The following GPD2 variants were observed in gnomAD, a reference collection of about 807,000 sequenced individuals.
The protein encoded by GPD2 is glycerol-3-phosphate dehydrogenase 2, also known as glycerol-3-phosphate dehydrogenase, mitochondrial.
Under a neutral mutation model 82.4 loss-of-function variants are expected in GPD2, and 54 were observed. That is an observed-to-expected ratio of 0.66 (90% CI 0.53 to 0.82). The LOEUF (loss-of-function observed/expected upper bound fraction) is 0.82. GPD2 is among the 40% of genes least tolerant of loss of function. The pLI, the probability that GPD2 is intolerant of heterozygous loss-of-function variation, is 0.00. For missense variants in GPD2, 748 were observed against 896.2 expected, an observed-to-expected ratio of 0.83 and a Z score of 2.11; for synonymous variants, 288 against 306.1, an observed-to-expected ratio of 0.94 and a Z score of 0.62.
At chr2:156,422,335 A>T in the GPD2 span, among the ~76,000 whole-genome samples, 1 of 152,230 alleles carries the variant, frequency 6.6e-6, no homozygotes, top group African/African-American at 2.4e-5. Flanking sequence ...AAACAAAGAT[A>T]TTCAAAGTAA....
chr2:156,455,021 G>A (rs1289606642), intron 1 of GPD2, among the ~76,000 whole-genome samples: 1 of 152,052 alleles, frequency 6.6e-6, no homozygotes, highest in African/African-American at 2.4e-5. Flanking sequence ...GTGTAACCCT[G>A]GGGGAGAGGG....
intron 1 of GPD2, among the ~76,000 whole-genome samples, chr2:156,442,621 G>T (rs191221592): frequency 3.7e-4 from 56 of 152,152 alleles, no homozygotes; most frequent in Admixed American, 2.0e-3. Flanking sequence ...ACCAGCCTGG[G>T]CAACATGTGA....
At chr2:156,424,341 G>A in the GPD2 span, among the ~76,000 whole-genome samples, 1 of 152,160 alleles carries the variant, frequency 6.6e-6, no homozygotes, top group Non-Finnish European at 1.5e-5. Flanking sequence ...AAGTGAGGAG[G>A]TTTAATAACT....
At position 156,496,050 on chromosome 2, in the gene GPD2, C is replaced by A; in HGVS notation, c.109C>A (p.Leu37Met). The change falls in exon 3 of 17, where the codon CTG becomes ATG. Residue 37 changes from leucine to methionine, a missense_variant. Leu to Met is a conservative substitution (Grantham distance 15). Transcript: ENST00000438166. ...FAHYRRKQMN[L>M]AYVKAADCIS... ...TGATCTGCTTTTACATCAGATGAAC[C>A]TGGCCTATGTTAAAGCAGCAGACTG... 6.2e-7 allele frequency: 1 copy of A among 1,611,208 alleles called. No homozygotes were observed. Among genetic ancestry groups the A allele is most frequent in the Non-Finnish European group, 8.5e-7 (1 of 1,177,980 alleles).
the GPD2 span, among the ~76,000 whole-genome samples, chr2:156,416,555 G>T: frequency 6.8e-6 from 1 of 147,782 alleles, no homozygotes; most frequent in Admixed American, 6.8e-5. Context: ...TGGAGACAGG[G>T]TTTCACTATG....
intron 6 of GPD2, among the ~76,000 whole-genome samples, chr2:156,518,024 T>C (rs1193750719): frequency 1.3e-5 from 2 of 152,222 alleles, no homozygotes; most frequent in Non-Finnish European, 2.9e-5. Flanking sequence ...TATGCACATA[T>C]GAAAATAGCA....
At chr2:156,402,655 T>C in the GPD2 span, among the ~76,000 whole-genome samples, 1 of 152,010 alleles carries the variant, frequency 6.6e-6, no homozygotes, top group African/African-American at 2.4e-5. Flanking sequence ...TAATTTTATT[T>C]ATTTATTTAT....
chr2:156,551,476 C>T (rs902783883), intron 8 of GPD2, among the ~76,000 whole-genome samples: 7 of 152,052 alleles, frequency 4.6e-5, no homozygotes, highest in Non-Finnish European at 5.9e-5. Flanking sequence ...AGAAGAAATT[C>T]GTATGGCCAT....
intron 2 of GPD2, among the ~76,000 whole-genome samples, chr2:156,491,032 G>A (rs1234016063): frequency 6.6e-6 from 1 of 151,818 alleles, no homozygotes. Context: ...GTTATGTAAT[G>A]AGCACTGTGA....
intron 2 of GPD2, among the ~76,000 whole-genome samples, chr2:156,477,092 G>A (rs764773687): frequency 6.6e-6 from 1 of 152,148 alleles, no homozygotes; most frequent in East Asian, 1.9e-4. Flanking sequence ...GTGGAGCCAG[G>A]CGCATTGCTT....
chr2:156,548,300 G>A (rs1013241695), intron 6 of GPD2, among the ~76,000 whole-genome samples: 5 of 152,072 alleles, frequency 3.3e-5, no homozygotes, highest in South Asian at 2.1e-4. Flanking sequence ...CTATGGAACC[G>A]CTACCCTTCC....
At chr2:156,473,968 A>T (rs1040884196) in intron 1 of GPD2, among the ~76,000 whole-genome samples, 2 of 152,038 alleles carry the variant, frequency 1.3e-5, no homozygotes, top group African/African-American at 4.8e-5. Context: ...TAGCAAAGGG[A>T]CAGTAAAGAA....
chr2:156,490,867 AATT>A (rs1253628650), intron 2 of GPD2, among the ~76,000 whole-genome samples: 1 of 152,238 alleles, frequency 6.6e-6, no homozygotes, highest in Non-Finnish European at 1.5e-5. Context: ...CTCTTTACAT[AATT>A]CACTTATTTT....
chr2:156,489,836 C>T (rs1235974733), intron 2 of GPD2, among the ~76,000 whole-genome samples: 1 of 1,444 alleles, frequency 6.9e-4, no homozygotes, highest in Non-Finnish European at 1.6e-3. Flanking sequence ...TGTTTCCTCC[C>T]CTCCCCTCCC....
chr2:156,505,840 C>G (rs1186727290), intron 3 of GPD2, among the ~76,000 whole-genome samples: 2 of 152,178 alleles, frequency 1.3e-5, no homozygotes, highest in Non-Finnish European at 2.9e-5. Flanking sequence ...TTTTCACTTC[C>G]TTGCTTTATA....
chr2:156,410,917 A>G, the GPD2 span, among the ~76,000 whole-genome samples: 23 of 152,140 alleles, frequency 1.5e-4, no homozygotes, highest in Non-Finnish European at 2.9e-4. Flanking sequence ...TAAAAGGAAC[A>G]CTCCATTTGG....
intron 8 of GPD2, among the ~76,000 whole-genome samples, chr2:156,554,885 G>A (rs1038344635): frequency 6.6e-6 from 1 of 152,164 alleles, no homozygotes; most frequent in Non-Finnish European, 1.5e-5. Flanking sequence ...GGGCACTTCA[G>A]GAAAGTGATG....
At chr2:156,493,746 A>C (rs1190728617) in intron 2 of GPD2, among the ~76,000 whole-genome samples, 1 of 152,156 alleles carries the variant, frequency 6.6e-6, no homozygotes, top group African/African-American at 2.4e-5. Flanking sequence ...CTGATGTGTG[A>C]AAATGCTCTG....
At chr2:156,582,218 T>C (rs537151769) in intron 16 of GPD2, among the ~76,000 whole-genome samples, 2 of 152,130 alleles carry the variant, frequency 1.3e-5, no homozygotes, top group East Asian at 3.9e-4. Context: ...ATTTTATCCA[T>C]TGGATAAAAA....
Sources: gnomAD v4.1 joint callset for allele counts (sites outside exome capture counted in the v4.1 genomes callset) on GRCh38, gnomAD v4.1.1 for gene constraint, MANE v1.5 for transcripts, NCBI Gene and HGNC (gene_info 2026-07-23, HGNC 2026-07-21) for gene names.